KCND3: variants seen among roughly 807,000 people sequenced by gnomAD.
The protein encoded by KCND3 is A-type voltage-gated potassium channel KCND3.
A neutral mutation model predicts 51.1 loss-of-function variants in KCND3; 9 were observed. That is an observed-to-expected ratio of 0.18 (90% confidence interval 0.11 to 0.31). The LOEUF is 0.31. Among genes scored for constraint, KCND3 ranks in the 10% least tolerant of loss-of-function variants. KCND3 has a pLI of 1.00. For synonymous variants in KCND3, 349 were observed against 368.0 expected (o/e 0.95, Z 0.59); for missense variants, 526 against 903.8 (o/e 0.58, Z 5.36).
At chr1:111,883,842 A>T (rs1437344321) in intron 2 of KCND3, among the ~76,000 whole-genome samples, 1 of 152,206 alleles carries the variant, frequency 6.6e-6, no homozygotes, top group Non-Finnish European at 1.5e-5. Flanking sequence ...TTGACTTACT[A>T]CATGTGCAAG....
At position 111,971,869 on chromosome 1, in the gene KCND3, G is replaced by T. The variant is rs542891161; in HGVS notation, c.1106+9752C>A. ...AGAGTTCTTTTGACTTCTCTTCCGG[G>T]GTGTCATTCCATTCCAGTCCTTTCT... On this transcript the variant is annotated intron_variant, in intron 2 of 7. Transcript: ENST00000302127. Among the ~76,000 whole-genome samples the T allele has an allele frequency of 6.6e-5, 10 of 152,202 alleles. 1 individual carries two copies. In the South Asian group the frequency reaches 2.1e-3, roughly 32 times the overall value.
Position 111,981,734 on chromosome 1 carries a change from G to C in KCND3, c.993C>G (p.Ala331=), listed in dbSNP as rs200711859. The change falls in exon 2 of 8, where the codon GCC becomes GCG. Residue 331 remains alanine (A), a synonymous_variant. Transcript: ENST00000302127. The surrounding 1 kb of genome is among the most constrained non-coding windows in gnomAD (Gnocchi z 6.2). ...ACATCACAGTGGCAAAGATGATGAT[G>C]GCCATGGTGAGGGAGAAGAGAAGAA... ...LGFLLFSLTM[A]IIIFATVMFY... 2 of 1,614,172 alleles carry C rather than the reference G, an allele frequency of 1.2e-6. No homozygotes were observed. The highest frequency in any genetic ancestry group is 1.6e-4 in the Middle Eastern group (1 of 6,062).
At chr1:111,917,555 G>A (rs1396245822) in intron 2 of KCND3, among the ~76,000 whole-genome samples, 1 of 152,168 alleles carries the variant, frequency 6.6e-6, no homozygotes, top group African/African-American at 2.4e-5. Flanking sequence ...TGCCTCCGAA[G>A]CACCAGACGC....
At chr1:111,830,753 AAATTTTG>A (rs1181239369) in intron 2 of KCND3, among the ~76,000 whole-genome samples, 3 of 152,374 alleles carry the variant, frequency 2.0e-5, no homozygotes, top group Admixed American at 1.3e-4. Context: ...CAGGTTTTTT[AAATTTTG>A]GAAATATATT....
At position 111,979,837 on chromosome 1, in the gene KCND3, G is replaced by A. The variant is rs191915092; in HGVS notation, c.1106+1784C>T. On this transcript the variant is annotated intron_variant, in intron 2 of 7. Transcript: ENST00000302127. ...TGTTATACTACTAATAAAAAGTAAT[G>A]AGTAGGTGGCTATCACCATGCCTGT... 2.6e-3 allele frequency among the ~76,000 whole-genome samples: 399 copies of A among 152,300 alleles called. 1 individual carries two copies. Among genetic ancestry groups the A allele is most frequent in the Non-Finnish European group, 4.8e-3 (325 of 68,008 alleles).
intron 2 of KCND3, among the ~76,000 whole-genome samples, chr1:111,788,316 A>G (rs1252213212): frequency 6.6e-6 from 1 of 152,224 alleles, no homozygotes; most frequent in Non-Finnish European, 1.5e-5. Flanking sequence ...CTGGAGCAGA[A>G]ACAAGCTTAG....
At chr1:111,965,849 C>T (rs909598185) in intron 2 of KCND3, among the ~76,000 whole-genome samples, 2 of 152,186 alleles carry the variant, frequency 1.3e-5, no homozygotes, top group Non-Finnish European at 2.9e-5. Flanking sequence ...AGTGAGCCAG[C>T]ATGACCATGA....
At chr1:111,931,712 T>C (rs185548940) in intron 2 of KCND3, among the ~76,000 whole-genome samples, 196 of 152,358 alleles carry the variant, frequency 1.3e-3, no homozygotes, top group African/African-American at 4.3e-3. Context: ...GGCATAGTGC[T>C]GCGTAAGTGC....
chr1:111,827,682 TTA>T (rs1666639767), intron 2 of KCND3, among the ~76,000 whole-genome samples: 1 of 152,216 alleles, frequency 6.6e-6, no homozygotes, highest in Non-Finnish European at 1.5e-5. Flanking sequence ...AAACTGAGTC[TTA>T]GAGAGGTTAC....
At chr1:111,807,257 T>A (rs947116072) in intron 2 of KCND3, among the ~76,000 whole-genome samples, 2 of 152,250 alleles carry the variant, frequency 1.3e-5, no homozygotes, top group Admixed American at 1.3e-4. Flanking sequence ...AGTGATGAAC[T>A]GCATATATGA....
intron 2 of KCND3, among the ~76,000 whole-genome samples, chr1:111,846,276 C>T (rs938133569): frequency 2.0e-5 from 3 of 152,208 alleles, no homozygotes; most frequent in African/African-American, 4.8e-5. Flanking sequence ...CCAAACACTC[C>T]GTGTTCTTTC....
chr1:111,853,299 A>G (rs1011921176), intron 2 of KCND3, among the ~76,000 whole-genome samples: 1 of 152,156 alleles, frequency 6.6e-6, no homozygotes, highest in African/African-American at 2.4e-5. Flanking sequence ...CAATAAAACT[A>G]ACTTTCAGGG....
At chr1:111,978,564 A>C (rs1034076461) in intron 2 of KCND3, among the ~76,000 whole-genome samples, 1 of 152,180 alleles carries the variant, frequency 6.6e-6, no homozygotes, top group Non-Finnish European at 1.5e-5. Context: ...AAGAGGGAAA[A>C]GTTTCCAAGG....
intron 2 of KCND3, among the ~76,000 whole-genome samples, chr1:111,908,806 G>C (rs571147925): frequency 6.6e-6 from 1 of 151,938 alleles, no homozygotes; most frequent in South Asian, 2.1e-4. Flanking sequence ...ACTTTGTGGA[G>C]GTCTTGCTAT....
chr1:111,891,505 C>T lies in KCND3; in HGVS notation c.1106+90116G>A, dbSNP rs964429639. ...AGTACCTACGGCACAAATGCACAGA[C>T]GGTATGTGCCCTCCCTCAGCTCCCG... is the stretch of plus-strand genomic sequence containing the variant. On this transcript the variant is annotated intron_variant, in intron 2 of 7. Coordinates refer to ENST00000302127, the MANE Select transcript of KCND3 (RefSeq NM_001378969.1). 5.3e-5 allele frequency among the ~76,000 whole-genome samples: 8 copies of T among 152,318 alleles called. No individual in the cohort carries two copies. In the East Asian group the frequency reaches 5.8e-4, roughly 11 times the overall value.
chr1:111,921,205 A>G (rs1346136577), intron 2 of KCND3, among the ~76,000 whole-genome samples: 1 of 152,182 alleles, frequency 6.6e-6, no homozygotes, highest in Non-Finnish European at 1.5e-5. Flanking sequence ...CTGTAAACCA[A>G]TTGAGGAAAG....
chr1:111,826,728 A>G (rs1666592605), intron 2 of KCND3, among the ~76,000 whole-genome samples: 1 of 152,206 alleles, frequency 6.6e-6, no homozygotes, highest in Admixed American at 6.5e-5. Flanking sequence ...CAAAATCCCT[A>G]CTACTGGGAG....
intron 2 of KCND3, among the ~76,000 whole-genome samples, chr1:111,867,396 T>C (rs1668629000): frequency 6.6e-6 from 1 of 152,194 alleles, no homozygotes; most frequent in African/African-American, 2.4e-5. Flanking sequence ...GAATCTCTCT[T>C]GGATTGATTT....
At chr1:111,860,791 T>A (rs1462075565) in intron 2 of KCND3, among the ~76,000 whole-genome samples, 1 of 152,176 alleles carries the variant, frequency 6.6e-6, no homozygotes, top group African/African-American at 2.4e-5. Context: ...CTCCATTTAG[T>A]CCTCCCGGGT....
Sources: gnomAD v4.1 joint callset for allele counts (sites outside exome capture counted in the v4.1 genomes callset) on GRCh38, gnomAD v4.1.1 for gene constraint, Gnocchi (gnomAD v3.1) non-coding constraint, MANE v1.5 for transcripts, NCBI Gene and HGNC (gene_info 2026-07-23, HGNC 2026-07-21) for gene names.